PPP1R14C: variants seen among roughly 807,000 people sequenced by gnomAD.
PPP1R14C encodes protein phosphatase 1 regulatory subunit 14C.
In PPP1R14C, 16 loss-of-function variants were observed where a neutral mutation model predicts 20.4. The ratio of observed to expected loss-of-function variants is 0.78; its 90% CI spans 0.53 to 1.19. PPP1R14C has a LOEUF of 1.19. Ranked by LOEUF, PPP1R14C falls within the 50% of genes most tolerant of loss-of-function variation. The pLI, the probability that PPP1R14C is intolerant of heterozygous loss-of-function variation, is 0.00. For missense variants in PPP1R14C, 211 were observed against 220.1 expected (o/e 0.96, Z 0.26); for synonymous variants, 91 against 91.0 (o/e 1.00, Z 0.00).
chr6:150,246,501 T>G (rs980841498), intron 3 of PPP1R14C, among the ~76,000 whole-genome samples: 1 of 152,234 alleles, frequency 6.6e-6, no homozygotes, highest in African/African-American at 2.4e-5. Context: ...AAATGTGGCA[T>G]GATTTTATCC....
Position 150,164,556 on chromosome 6 carries a change from T to G in PPP1R14C, c.306+21058T>G, listed in dbSNP as rs9371336. On this transcript the variant is annotated intron_variant, in intron 1 of 3. Coordinates refer to ENST00000361131, the MANE Select transcript of PPP1R14C (RefSeq NM_030949.3). ...TCCATCTGAAATTCATTTTTATGTG[T>G]GGTATAATGTAGAGATTACGATTCA... 3 of 159,186 alleles carry G rather than the reference T, an allele frequency of 1.9e-5. No homozygotes were observed. The East Asian group carries it at 4.9e-4, about 26-fold the overall frequency. The allele number at this position is 159,186 out of a possible 1,614,324, so 9.9% of individuals were successfully genotyped here. A position where few individuals can be genotyped will look rare whatever the true frequency, so the allele number is the denominator to read the frequency against.
intron 1 of PPP1R14C, among the ~76,000 whole-genome samples, chr6:150,173,988 T>A (rs1777528106): frequency 6.6e-6 from 1 of 151,906 alleles, no homozygotes; most frequent in African/African-American, 2.4e-5. Flanking sequence ...TAGGCTGAAA[T>A]CAATTTGCTT....
intron 1 of PPP1R14C, among the ~76,000 whole-genome samples, chr6:150,163,263 C>T (rs1202211856): frequency 2.0e-5 from 3 of 151,920 alleles, no homozygotes; most frequent in East Asian, 3.9e-4. Flanking sequence ...TGGTGGCGGG[C>T]GCCTGTAGTC....
At chr6:150,145,675 A>G (rs186512030) in intron 1 of PPP1R14C, among the ~76,000 whole-genome samples, 1 of 152,334 alleles carries the variant, frequency 6.6e-6, no homozygotes, top group East Asian at 1.9e-4. Flanking sequence ...TTGTGAATCA[A>G]GAAGGACGCA....
intron 1 of PPP1R14C, among the ~76,000 whole-genome samples, chr6:150,174,020 C>CCA (rs1375841083): frequency 1.3e-5 from 2 of 150,486 alleles, no homozygotes; most frequent in South Asian, 2.2e-4. Flanking sequence ...CTCCCTCCCC[C>CCA]CCACCCCCGA....
intron 1 of PPP1R14C, among the ~76,000 whole-genome samples, chr6:150,198,059 G>A (rs1179379515): frequency 1.9e-5 from 1 of 51,624 alleles, no homozygotes; most frequent in Non-Finnish European, 3.7e-5. Context: ...GCCCCTGGCC[G>A]CCACGGTGGA....
intron 1 of PPP1R14C, among the ~76,000 whole-genome samples, chr6:150,209,841 T>TTG (rs148237324): frequency 0.054 from 7,803 of 143,764 alleles, 215 homozygotes; most frequent in African/African-American, 0.064. Flanking sequence ...GTGTATATAT[T>TTG]TGTGTGTGTG....
chr6:150,228,205 T>C (rs1212830674), intron 3 of PPP1R14C, among the ~76,000 whole-genome samples: 1 of 152,220 alleles, frequency 6.6e-6, no homozygotes, highest in Non-Finnish European at 1.5e-5. Flanking sequence ...AACTCTGCAT[T>C]TATTTCCTGG....
chr6:150,212,303 A>G (rs1778035437), intron 1 of PPP1R14C, among the ~76,000 whole-genome samples: 1 of 152,188 alleles, frequency 6.6e-6, no homozygotes, highest in Non-Finnish European at 1.5e-5. Context: ...AATGTATTCA[A>G]ATGTGCTTAC....
Position 150,201,092 on chromosome 6 carries a change from C to T in PPP1R14C, c.307-13652C>T, listed in dbSNP as rs143717237. ...TTGTCCAGGTTTGGAACTAAGGAAG[C>T]GATCGGCCCTATTGGGCAGGATACT... On this transcript the variant is annotated intron_variant, in intron 1 of 3. Coordinates refer to ENST00000361131, the MANE Select transcript of PPP1R14C (RefSeq NM_030949.3). The surrounding 1 kb of genome is among the most constrained non-coding windows in gnomAD (Gnocchi z 4.2). Among the ~76,000 whole-genome samples, 4 of 152,272 alleles carry T rather than the reference C, an allele frequency of 2.6e-5. No homozygotes were observed. Among genetic ancestry groups the T allele is most frequent in the African/African-American group, 7.2e-5 (3 of 41,542 alleles).
At chr6:150,170,722 A>G (rs1411324293) in intron 1 of PPP1R14C, among the ~76,000 whole-genome samples, 1 of 151,668 alleles carries the variant, frequency 6.6e-6, no homozygotes, top group East Asian at 1.9e-4. Context: ...ATGAGAGAGA[A>G]GAGTGATACG....
intron 1 of PPP1R14C, among the ~76,000 whole-genome samples, chr6:150,212,135 G>T (rs761706617): frequency 6.6e-6 from 1 of 152,206 alleles, no homozygotes; most frequent in Non-Finnish European, 1.5e-5. Flanking sequence ...GCCAGAGGGC[G>T]AGTGTACTCT....
chr6:150,222,578 C>T (rs1778181732), intron 3 of PPP1R14C, among the ~76,000 whole-genome samples: 1 of 152,100 alleles, frequency 6.6e-6, no homozygotes, highest in Non-Finnish European at 1.5e-5. Context: ...GTGTCACTGC[C>T]CTAACAATCC....
intron 1 of PPP1R14C, among the ~76,000 whole-genome samples, chr6:150,147,618 G>A (rs527439627): frequency 5.3e-5 from 8 of 152,258 alleles, no homozygotes; most frequent in Admixed American, 1.3e-4. Flanking sequence ...TTCCAGTTTT[G>A]CAATTCAATT....
chr6:150,149,117 A>C (rs1582892854), intron 1 of PPP1R14C, among the ~76,000 whole-genome samples: 1 of 152,320 alleles, frequency 6.6e-6, no homozygotes, highest in Non-Finnish European at 1.5e-5. Context: ...AAGGAAGGAA[A>C]GAAAACTGCT....
intron 1 of PPP1R14C, among the ~76,000 whole-genome samples, chr6:150,174,015 TC>T (rs571196400): frequency 1.1e-5 from 1 of 92,736 alleles, no homozygotes; most frequent in Non-Finnish European, 2.3e-5. Context: ...CACCTCTCCC[TC>T]CCCCCCACCC....
intron 1 of PPP1R14C, among the ~76,000 whole-genome samples, chr6:150,146,244 G>A (rs1018545589): frequency 1.1e-4 from 16 of 152,208 alleles, no homozygotes; most frequent in African/African-American, 3.9e-4. Flanking sequence ...GCTGCTTCAA[G>A]CTCATGTAGC....
At chr6:150,184,977 CT>C (rs1777661433) in intron 1 of PPP1R14C, among the ~76,000 whole-genome samples, 1 of 152,228 alleles carries the variant, frequency 6.6e-6, no homozygotes, top group Non-Finnish European at 1.5e-5. Context: ...CCTTCACTCC[CT>C]CATGCCCATG....
chr6:150,209,817 G>GT (rs1321401945), intron 1 of PPP1R14C, among the ~76,000 whole-genome samples: 2 of 147,906 alleles, frequency 1.4e-5, no homozygotes, highest in African/African-American at 5.1e-5. Context: ...TTATATTCAT[G>GT]TGTGTGTATG....
Sources: gnomAD v4.1 joint callset for allele counts (sites outside exome capture counted in the v4.1 genomes callset) on GRCh38, gnomAD v4.1.1 for gene constraint, Gnocchi (gnomAD v3.1) non-coding constraint, MANE v1.5 for transcripts, NCBI Gene and HGNC (gene_info 2026-07-23, HGNC 2026-07-21) for gene names.